TMPRSS11D: variants seen among roughly 807,000 people sequenced by gnomAD.
TMPRSS11D encodes transmembrane serine protease 11D.
A neutral mutation model predicts 44.4 loss-of-function variants in TMPRSS11D; 32 were observed. The observed-to-expected ratio is 0.72, with a 90% CI of 0.54 to 0.97. The LOEUF (loss-of-function observed/expected upper bound fraction) is 0.97, where lower values mean the gene tolerates loss of function less well. Ranked by LOEUF, TMPRSS11D falls within the 50% of genes least tolerant of loss-of-function variation. The pLI, the probability that TMPRSS11D is intolerant of heterozygous loss-of-function variation, is 0.00. For synonymous variants in TMPRSS11D, 179 were observed against 177.9 expected (o/e 1.01, Z -0.05); for missense variants, 446 against 502.6 (o/e 0.89, Z 1.08).
chr4:67,844,998 G>T (rs1037640395), intron 3 of TMPRSS11D, among the ~76,000 whole-genome samples: 14 of 152,178 alleles, frequency 9.2e-5, no homozygotes, highest in African/African-American at 3.4e-4. Context: ...CTGTCACAAA[G>T]CTGAAGGAAT....
At chr4:67,835,639 A>G (rs1718064284) in intron 5 of TMPRSS11D, among the ~76,000 whole-genome samples, 1 of 152,186 alleles carries the variant, frequency 6.6e-6, no homozygotes, top group South Asian at 2.1e-4. Context: ...ATTCAAATAA[A>G]TGTAAGTGCA....
At chr4:67,840,323 G>T (rs1718203135) in intron 4 of TMPRSS11D, among the ~76,000 whole-genome samples, 1 of 151,998 alleles carries the variant, frequency 6.6e-6, no homozygotes, top group African/African-American at 2.4e-5. Context: ...ACAGAGCAAA[G>T]GGGGGAAACG....
At chr4:67,859,991 A>G (rs751687763) in intron 1 of TMPRSS11D, among the ~76,000 whole-genome samples, 1 of 152,108 alleles carries the variant, frequency 6.6e-6, no homozygotes, top group African/African-American at 2.4e-5. Flanking sequence ...ACAACAAATC[A>G]TTGTCAGTTC....
chr4:67,822,907 A>G (rs1717684854), intron 9 of TMPRSS11D, among the ~76,000 whole-genome samples: 1 of 152,132 alleles, frequency 6.6e-6, no homozygotes, highest in Non-Finnish European at 1.5e-5. Context: ...ATTTTATAAA[A>G]GCATATTTGT....
intron 3 of TMPRSS11D, among the ~76,000 whole-genome samples, chr4:67,850,367 C>T (rs141487743): frequency 2.6e-4 from 40 of 152,208 alleles, no homozygotes; most frequent in Admixed American, 9.2e-4. Context: ...AAATTTTTGT[C>T]GTGCATATGC....
intron 3 of TMPRSS11D, among the ~76,000 whole-genome samples, chr4:67,852,511 A>G (rs1330357321): frequency 6.6e-6 from 1 of 152,236 alleles, no homozygotes; most frequent in Non-Finnish European, 1.5e-5. Flanking sequence ...ATGTTCAGTG[A>G]GAACCATCAC....
intron 3 of TMPRSS11D, among the ~76,000 whole-genome samples, chr4:67,852,992 A>G (rs1447159965): frequency 1.3e-5 from 2 of 152,232 alleles, no homozygotes; most frequent in Non-Finnish European, 2.9e-5. Flanking sequence ...AAGGAGGATT[A>G]ATTATATCCA....
intron 9 of TMPRSS11D, among the ~76,000 whole-genome samples, chr4:67,824,137 GTTT>G (rs5859106): frequency 0.039 from 5,595 of 143,748 alleles, 298 homozygotes; most frequent in African/African-American, 0.12. Flanking sequence ...AAAGTGCTGT[GTTT>G]TTTTTTTTTT....
intron 1 of TMPRSS11D, among the ~76,000 whole-genome samples, chr4:67,869,195 GT>G (rs1403730630): frequency 2.6e-5 from 4 of 152,124 alleles, no homozygotes; most frequent in African/African-American, 9.7e-5. Flanking sequence ...GACTGGAAGT[GT>G]TCTTTTTGAA....
At chr4:67,846,365 C>T (rs181958027) in intron 3 of TMPRSS11D, among the ~76,000 whole-genome samples, 1 of 151,922 alleles carries the variant, frequency 6.6e-6, no homozygotes, top group Non-Finnish European at 1.5e-5. Context: ...AAAATAAACA[C>T]AGGTTTTTTT....
rs776276843 is a variant in TMPRSS11D, at chr4:67,838,302, A to G, written c.345T>C (p.Asp115=). Residue 115 remains aspartate (D), a synonymous_variant, in exon 5 of 10, where the codon GAT becomes GAC. Transcript: ENST00000283916. ...LRQDGSGVRA[D]VVMKFQFTRN... ...TAGTGAATTGAAATTTCATGACAAC[A>G]TCCGCTCTCACACCACTACCATCTT... 1.3e-6 allele frequency: 2 copies of G among 1,593,796 alleles called. No individual in the cohort carries two copies. Among genetic ancestry groups the G allele is most frequent in the Non-Finnish European group, 1.7e-6 (2 of 1,172,282 alleles).
intron 1 of TMPRSS11D, among the ~76,000 whole-genome samples, chr4:67,862,202 G>C (rs1038038324): frequency 1.3e-5 from 2 of 152,014 alleles, no homozygotes; most frequent in African/African-American, 4.8e-5. Context: ...TATCTGCCAG[G>C]CATTGTACAA....
chr4:67,837,202 G>C (rs1718112522), intron 5 of TMPRSS11D, among the ~76,000 whole-genome samples: 1 of 152,110 alleles, frequency 6.6e-6, no homozygotes, highest in South Asian at 2.1e-4. Context: ...AGTGCGTTCG[G>C]GAGCATTCCT....
At chr4:67,845,114 A>G (rs1462892861) in intron 3 of TMPRSS11D, among the ~76,000 whole-genome samples, 1 of 152,192 alleles carries the variant, frequency 6.6e-6, no homozygotes, top group Non-Finnish European at 1.5e-5. Flanking sequence ...CCACCTTAAC[A>G]TTTCTGTTAT....
chr4:67,838,228 C>G lies in TMPRSS11D; in HGVS notation c.419G>C (p.Arg140Pro). 1 of 1,598,054 alleles carries G rather than the reference C, an allele frequency of 6.3e-7. No homozygotes were observed. The highest frequency in any genetic ancestry group is 8.5e-7 in the Non-Finnish European group (1 of 1,173,526). Residue 140 changes from arginine to proline, a missense_variant, in exon 5 of 10, where the codon CGA (arginine) becomes CCA (proline). Transcript: ENST00000283916. Reference sequence around the variant, plus strand: ...GTTTCCAGAGTTATTCAGCATTTGTCGTAAAACAGACTCAATTCTGCTTTT... The same window carrying G: ...GTTTCCAGAGTTATTCAGCATTTGTGGTAAAACAGACTCAATTCTGCTTTT... ...SMKSRIESVLRQMLNNSGNLE... is the reference protein window; with the variant it reads ...SMKSRIESVLPQMLNNSGNLE...
intron 1 of TMPRSS11D, among the ~76,000 whole-genome samples, chr4:67,863,826 A>G (rs1718852889): frequency 6.6e-6 from 1 of 152,110 alleles, no homozygotes; most frequent in Admixed American, 6.6e-5. Flanking sequence ...GTAAACTGGA[A>G]TTTAAGGTAT....
At position 67,869,810 on chromosome 4, in the gene TMPRSS11D, G is replaced by T. The variant is rs531985621; in HGVS notation, c.9-10132C>A. 3.3e-4 allele frequency among the ~76,000 whole-genome samples: 50 copies of T among 152,220 alleles called. No individual in the cohort carries two copies. The Middle Eastern group carries it at 0.01, about 31-fold the overall frequency. ...TACATTAAGCCATCAATCAGTAGCT[G>T]GTTATTTTAGGTACTTACGACATGG... On this transcript the variant is annotated intron_variant, in intron 1 of 9. Coordinates refer to ENST00000283916, the MANE Select transcript of TMPRSS11D (RefSeq NM_004262.3).
intron 1 of TMPRSS11D, among the ~76,000 whole-genome samples, chr4:67,871,410 C>T (rs1315727163): frequency 6.6e-6 from 1 of 152,168 alleles, no homozygotes; most frequent in Admixed American, 6.5e-5. Flanking sequence ...ACCTCATCTT[C>T]CTCCAGCAAT....
chr4:67,852,778 C>T (rs527995085), intron 3 of TMPRSS11D, among the ~76,000 whole-genome samples: 18 of 152,300 alleles, frequency 1.2e-4, no homozygotes, highest in Non-Finnish European at 2.6e-4. Context: ...TGGGAGACTC[C>T]TGTTCCTTCA....
Sources: gnomAD v4.1 joint callset for allele counts (sites outside exome capture counted in the v4.1 genomes callset) on GRCh38, gnomAD v4.1.1 for gene constraint, MANE v1.5 for transcripts, NCBI Gene and HGNC (gene_info 2026-07-23, HGNC 2026-07-21) for gene names.